Variants in DPP6 observed in about 807,000 individuals in gnomAD.
DPP6 encodes A-type potassium channel modulatory protein DPP6.
Under a neutral mutation model 122.6 loss-of-function variants are expected in DPP6, and 69 were observed. The observed-to-expected ratio is 0.56, with a 90% CI of 0.46 to 0.69. DPP6 has a LOEUF of 0.69. Among genes scored for constraint, DPP6 ranks in the 30% least tolerant of loss-of-function variants. The pLI is 0.00. For synonymous variants in DPP6, 418 were observed against 433.1 expected (o/e 0.97, Z 0.43); for missense variants, 928 against 1,116.9 (o/e 0.83, Z 2.41).
At chr7:154,749,133 G>T (rs1342943061) in intron 8 of DPP6, among the ~76,000 whole-genome samples, 2 of 146,422 alleles carry the variant, frequency 1.4e-5, no homozygotes, top group African/African-American at 5.1e-5. Context: ...GGAAAGAGAA[G>T]GATGGCGGCT....
rs1431682575 is a variant in DPP6, at chr7:154,735,958, C to T, written c.883+8071C>T. Among the ~76,000 whole-genome samples the T allele has an allele frequency of 2.2e-4, 34 of 152,240 alleles. 1 individual carries two copies. The highest frequency in any genetic ancestry group is 1.5e-5 in the Non-Finnish European group (1 of 68,042). ...GACCCTGAGTCCCACCAGACCCTCC[C>T]CTGCCATCGTCTGCTCTCAACGTAG... On this transcript the variant is annotated intron_variant, in intron 8 of 25. Coordinates refer to ENST00000377770, the MANE Select transcript of DPP6 (RefSeq NM_130797.4).
intron 1 of DPP6, among the ~76,000 whole-genome samples, chr7:154,438,332 T>C (rs540893286): frequency 2.1e-4 from 32 of 150,132 alleles, no homozygotes; most frequent in Admixed American, 1.8e-3. Context: ...TAGCCGGGCG[T>C]GGTGGCGGGA....
chr7:154,198,321 T>TATTATTA (rs370145758), intron 1 of DPP6, among the ~76,000 whole-genome samples: 3 of 148,528 alleles, frequency 2.0e-5, no homozygotes, highest in African/African-American at 7.5e-5. Context: ...TTATTATTAT[T>TATTATTA]TTTTTTTTGA....
chr7:154,493,808 C>T (rs1042306189), intron 3 of DPP6, among the ~76,000 whole-genome samples: 11 of 152,130 alleles, frequency 7.2e-5, no homozygotes, highest in African/African-American at 1.2e-4. Context: ...CCTCTGTATA[C>T]GGATGCAGGC....
chr7:154,237,089 C>T (rs62484148), intron 1 of DPP6, among the ~76,000 whole-genome samples: 50 of 152,194 alleles, frequency 3.3e-4, no homozygotes, highest in African/African-American at 1.1e-3. Flanking sequence ...TACGACTGGG[C>T]GTGAGGGAAG....
intron 6 of DPP6, among the ~76,000 whole-genome samples, chr7:154,641,828 T>C (rs1836114080): frequency 6.6e-6 from 1 of 152,306 alleles, no homozygotes; most frequent in South Asian, 2.1e-4. Flanking sequence ...AACTCAGAAC[T>C]GTAATAGAAT....
At chr7:153,804,377 G>T in the DPP6 span, among the ~76,000 whole-genome samples, 6 of 151,962 alleles carry the variant, frequency 3.9e-5, no homozygotes, top group Admixed American at 2.0e-4. Context: ...TATCTAGCTT[G>T]CTCTACTCAT....
At chr7:154,637,708 G>C in intron 5 of DPP6, 113 bp from the exon 6 acceptor site, 1 of 1,058,600 alleles carries the variant, frequency 9.4e-7, no homozygotes, top group African/African-American at 1.6e-5. Flanking sequence ...CAGGTGTTGG[G>C]ATTAGCTGCT....
At chr7:153,878,709 C>CT in the DPP6 span, among the ~76,000 whole-genome samples, 1 of 152,040 alleles carries the variant, frequency 6.6e-6, no homozygotes, top group Non-Finnish European at 1.5e-5. Flanking sequence ...GATGTATGCA[C>CT]TTTGAGATAA....
chr7:154,097,940 T>C (rs1180726033), intron 1 of DPP6, among the ~76,000 whole-genome samples: 1 of 152,210 alleles, frequency 6.6e-6, no homozygotes, highest in Non-Finnish European at 1.5e-5. Flanking sequence ...CTTCCTGTGA[T>C]CTAGTCTTAT....
chr7:153,891,441 A>G (rs943379791), intron 1 of DPP6, among the ~76,000 whole-genome samples: 5 of 152,154 alleles, frequency 3.3e-5, no homozygotes. Flanking sequence ...AGAGATAAAT[A>G]TTTTTTACTT....
At chr7:154,270,032 A>G (rs911696720) in intron 1 of DPP6, among the ~76,000 whole-genome samples, 2 of 152,226 alleles carry the variant, frequency 1.3e-5, no homozygotes, top group Admixed American at 1.3e-4. Context: ...ATGTGAGGGT[A>G]TATTTAAACT....
At chr7:154,351,431 T>G (rs1810847335) in intron 1 of DPP6, among the ~76,000 whole-genome samples, 1 of 152,100 alleles carries the variant, frequency 6.6e-6, no homozygotes, top group African/African-American at 2.4e-5. Context: ...GAGCCAAAAA[T>G]AGCAGCTGAG....
rs189248714 is a variant in DPP6, at chr7:154,732,248, G to A, written c.883+4361G>A. Among the ~76,000 whole-genome samples the A allele has an allele frequency of 2.4e-3, 369 of 151,850 alleles. 4 individuals carry two copies. Among genetic ancestry groups the A allele is most frequent in the African/African-American group, 7.8e-3 (323 of 41,390 alleles). On this transcript the variant is annotated intron_variant, in intron 8 of 25. Transcript: ENST00000377770. ...TTTTTAGTAGAGGTGGGGTTTCACC[G>A]TGTTAGCCAGGATGGTCTCAGTCAT...
intron 1 of DPP6, among the ~76,000 whole-genome samples, chr7:154,132,559 G>A (rs1439275548): frequency 6.6e-6 from 1 of 151,840 alleles, no homozygotes; most frequent in South Asian, 2.1e-4. Context: ...TTCCCATGAC[G>A]ACACCTCTGC....
intron 1 of DPP6, among the ~76,000 whole-genome samples, chr7:154,160,627 A>G (rs1585519520): frequency 6.6e-6 from 1 of 151,954 alleles, no homozygotes; most frequent in Non-Finnish European, 1.5e-5. Context: ...CATGCTGAGG[A>G]GGGGGTGGGA....
At chr7:154,554,543 A>G (rs1563846460) in intron 4 of DPP6, among the ~76,000 whole-genome samples, 1 of 151,142 alleles carries the variant, frequency 6.6e-6, no homozygotes, top group East Asian at 1.9e-4. Context: ...GTATTTATCT[A>G]CTACAGGAAA....
chr7:154,614,087 C>A (rs1271096104), intron 5 of DPP6, among the ~76,000 whole-genome samples: 1 of 152,248 alleles, frequency 6.6e-6, no homozygotes, highest in African/African-American at 2.4e-5. Flanking sequence ...TGCCCATCCA[C>A]AGCTGTCTTC....
Position 154,807,065 on chromosome 7 carries a change from G to A in DPP6, c.1619G>A (p.Ser540Asn), listed in dbSNP as rs1405808471. 1.2e-6 allele frequency: 2 copies of A among 1,613,800 alleles called. No homozygotes were observed. The highest frequency in any genetic ancestry group is 2.2e-5 in the East Asian group (1 of 44,876). The change falls in exon 16 of 26, where the codon AGC becomes AAC. Residue 540 changes from serine to asparagine, a missense_variant. Transcript: ENST00000377770. ...CTGGTTGAGAACTGCACCTACTTCA[G>A]CGCTTCCTTCAGCCATAGCATGGAC... ...CDLVENCTYF[S>N]ASFSHSMDFF... is the part of the protein sequence containing the mutation.
Sources: gnomAD v4.1 joint callset for allele counts (sites outside exome capture counted in the v4.1 genomes callset) on GRCh38, gnomAD v4.1.1 for gene constraint, MANE v1.5 for transcripts, NCBI Gene and HGNC (gene_info 2026-07-23, HGNC 2026-07-21) for gene names.